The following TRPS1 variants were observed in gnomAD, a reference collection of about 807,000 sequenced individuals.
TRPS1 encodes the protein zinc finger transcription factor Trps1.
Under a neutral mutation model 101.2 loss-of-function variants are expected in TRPS1, and 6 were observed. The ratio of observed to expected loss-of-function variants is 0.06; its 90% CI spans 0.03 to 0.12. The LOEUF (loss-of-function observed/expected upper bound fraction) is 0.12, where lower values mean the gene tolerates loss of function less well. TRPS1 is among the 10% of genes least tolerant of loss of function. The pLI, the probability that TRPS1 is intolerant of heterozygous loss-of-function variation, is 1.00. For missense variants in TRPS1, 1,363 were observed against 1,567.0 expected (o/e 0.87, Z 2.20); for synonymous variants, 578 against 589.8 (o/e 0.98, Z 0.29).
At chr8:115,536,522 CAAA>C (rs752895683) in intron 5 of TRPS1, among the ~76,000 whole-genome samples, 2 of 102,866 alleles carry the variant, frequency 1.9e-5, no homozygotes, top group East Asian at 2.7e-4. Context: ...GACTCCGTCT[CAAA>C]AAAAAAAAAA....
intron 1 of TRPS1, among the ~76,000 whole-genome samples, chr8:115,664,621 T>C (rs996661914): frequency 1.3e-5 from 2 of 152,106 alleles, no homozygotes; most frequent in African/African-American, 4.8e-5. Context: ...TTAGCAGTTA[T>C]CATCAGCAAA....
chr8:115,554,350 C>T (rs1390187668), intron 5 of TRPS1, among the ~76,000 whole-genome samples: 1 of 152,154 alleles, frequency 6.6e-6, no homozygotes, highest in African/African-American at 2.4e-5. Context: ...GTCAGACATC[C>T]AGGCCCTACC....
intron 5 of TRPS1, among the ~76,000 whole-genome samples, chr8:115,520,835 G>A (rs991878996): frequency 2.6e-5 from 4 of 151,944 alleles, no homozygotes; most frequent in South Asian, 2.1e-4. Flanking sequence ...AGAAGGTCAC[G>A]TTCCTCTGAT....
chr8:115,445,261 C>T (rs568603125), intron 5 of TRPS1, among the ~76,000 whole-genome samples: 2 of 152,292 alleles, frequency 1.3e-5, no homozygotes, highest in South Asian at 4.1e-4. Flanking sequence ...TTATATGCTA[C>T]AATTTTGTTT....
In TRPS1 at chr8:115,412,462, C is replaced by T. The variant is rs1259349390; in HGVS notation, c.*1561G>A. 3.3e-5 allele frequency: 5 copies of T among 152,582 alleles called. No individual in the cohort carries two copies. Among genetic ancestry groups the T allele is most frequent in the East Asian group, 1.9e-4 (1 of 5,174 alleles). The allele number at this position is 152,582 out of a possible 1,614,324, so 9.5% of individuals were successfully genotyped here. On this transcript the variant is annotated 3_prime_UTR_variant, in exon 7 of 7. Coordinates refer to ENST00000395715, the MANE Select transcript of TRPS1 (RefSeq NM_014112.5). ...CATGATGGAATATCTTTGTTGCATACGTACACTGTAGAAAATAATTATTCA... is the reference window on the plus strand; with the variant it reads ...CATGATGGAATATCTTTGTTGCATATGTACACTGTAGAAAATAATTATTCA...
chr8:115,637,255 G>A (rs948272096), intron 1 of TRPS1: 6 of 985,306 alleles, frequency 6.1e-6, no homozygotes, highest in African/African-American at 3.5e-5. Context: ...GGTTGCCAAG[G>A]TTAATAAGAC....
At chr8:115,639,382 TG>T (rs1179517905) in intron 1 of TRPS1, among the ~76,000 whole-genome samples, 1 of 152,166 alleles carries the variant, frequency 6.6e-6, no homozygotes. Flanking sequence ...AATCACTATA[TG>T]ATTACAAAAT....
Position 115,587,252 on chromosome 8 carries a change from G to C in TRPS1, c.2449C>G (p.Pro817Ala). The stretch of plus-strand genomic sequence containing the variant: ...CCCAGGCTTGCTTGGGTGTATGACG[G>C]ACTCCCCCGCAGGATGTCTGCCCCT... ...WRGADILRGS[P>A]SYTQASLGLL... Residue 817 changes from proline (P) to alanine (A), a missense_variant, in exon 5 of 7, where the codon CCG (proline) becomes GCG (alanine). Physicochemically the swap from Pro to Ala is conservative, Grantham distance 27. This residue lies in a region of TRPS1 where 1,020 missense variants were observed against 1,073.0 expected (regional missense o/e 0.95). Coordinates refer to ENST00000395715, the MANE Select transcript of TRPS1 (RefSeq NM_014112.5). 1 of 1,614,222 alleles carries C rather than the reference G, an allele frequency of 6.2e-7. No homozygotes were observed.
intron 1 of TRPS1, chr8:115,637,270 T>A (rs1200465083): frequency 1.0e-6 from 1 of 985,296 alleles, no homozygotes; most frequent in African/African-American, 1.7e-5. Context: ...TAAGACAGAA[T>A]CTTGAATCCC....
chr8:115,581,663 C>A (rs934387251), intron 5 of TRPS1, among the ~76,000 whole-genome samples: 1 of 151,938 alleles, frequency 6.6e-6, no homozygotes, highest in African/African-American at 2.4e-5. Context: ...GAATATGGAA[C>A]GAATTTGACA....
At chr8:115,556,961 G>C (rs1380602232) in intron 5 of TRPS1, among the ~76,000 whole-genome samples, 1 of 152,122 alleles carries the variant, frequency 6.6e-6, no homozygotes, top group Non-Finnish European at 1.5e-5. Context: ...ACATATCCAA[G>C]ACTGAGCAAT....
chr8:115,557,290 C>A (rs1359539800), intron 5 of TRPS1, among the ~76,000 whole-genome samples: 4 of 152,014 alleles, frequency 2.6e-5, no homozygotes, highest in African/African-American at 9.7e-5. Flanking sequence ...TATTTAAGAC[C>A]CTGTTTCTCA....
At chr8:115,638,512 T>C (rs766651012) in intron 1 of TRPS1, among the ~76,000 whole-genome samples, 8 of 152,184 alleles carry the variant, frequency 5.3e-5, no homozygotes, top group Admixed American at 2.6e-4. Context: ...TGTTCTCAAG[T>C]GTGAGGTAAC....
At chr8:115,657,116 G>A (rs908504441) in intron 1 of TRPS1, among the ~76,000 whole-genome samples, 1 of 152,092 alleles carries the variant, frequency 6.6e-6, no homozygotes, top group African/African-American at 2.4e-5. Context: ...CTCTGGAACT[G>A]CCTAGCCAAA....
At chr8:115,533,436 G>GTTGTATTTTTTTTTTTTTTTT (rs1816187553) in intron 5 of TRPS1, among the ~76,000 whole-genome samples, 1 of 34,986 alleles carries the variant, frequency 2.9e-5, no homozygotes, top group Non-Finnish European at 5.3e-5. Flanking sequence ...CATGTAATCT[G>GTTGTATTTTTTTTTTTTTTTT]TTTTTTTTTT....
At chr8:115,608,503 G>A (rs1818090016) in intron 3 of TRPS1, among the ~76,000 whole-genome samples, 1 of 152,138 alleles carries the variant, frequency 6.6e-6, no homozygotes, top group Admixed American at 6.5e-5. Flanking sequence ...ACATCTGCCT[G>A]TATTTATTTG....
intron 5 of TRPS1, among the ~76,000 whole-genome samples, chr8:115,530,205 T>C (rs1469333216): frequency 1.3e-5 from 2 of 152,160 alleles, no homozygotes; most frequent in Non-Finnish European, 1.5e-5. Context: ...TCCAGCATAA[T>C]GTACAAACCT....
chr8:115,466,907 T>C (rs1006917487), intron 5 of TRPS1, among the ~76,000 whole-genome samples: 2 of 146,474 alleles, frequency 1.4e-5, no homozygotes, highest in Non-Finnish European at 3.0e-5. Context: ...ATTTTGCCAT[T>C]AAAAAAAAAA....
chr8:115,410,911 G>A lies in TRPS1; in HGVS notation c.*3112C>T, dbSNP rs191688111. 54 of 151,416 alleles carry A rather than the reference G, an allele frequency of 3.6e-4. 1 individual carries two copies. The highest frequency in any genetic ancestry group is 1.6e-3 in the Admixed American group (25 of 15,174). 9.4% of individuals were successfully genotyped at this position (151,416 alleles called of 1,614,324 possible). ...GAAATTCCTCATTAAAAAAAGTTCCGTACCATAATAGCTCGTTTAAAATCA... is the reference window on the plus strand; with the variant it reads ...GAAATTCCTCATTAAAAAAAGTTCCATACCATAATAGCTCGTTTAAAATCA... On this transcript the variant is annotated 3_prime_UTR_variant, in exon 7 of 7. Transcript: ENST00000395715.
Sources: allele counts gnomAD v4.1 joint callset (sites outside exome capture counted in the v4.1 genomes callset), GRCh38; gene constraint gnomAD v4.1.1; regional missense constraint gnomAD v4.1.1; transcripts MANE v1.5; gene names NCBI Gene and HGNC (gene_info 2026-07-23, HGNC 2026-07-21).